Variants in LHFPL3 observed in about 807,000 individuals in gnomAD.
The protein encoded by LHFPL3 is LHFPL tetraspan subfamily member 3.
Under a neutral mutation model 19.3 loss-of-function variants are expected in LHFPL3, and 5 were observed. The observed-to-expected ratio is 0.26, with a 90% CI of 0.14 to 0.54. The LOEUF is 0.54. Ranked by LOEUF, LHFPL3 falls within the 20% of genes least tolerant of loss-of-function variation. The pLI, the probability that LHFPL3 is intolerant of heterozygous loss-of-function variation, is 0.94. For synonymous variants in LHFPL3, 133 were observed against 126.2 expected, an observed-to-expected ratio of 1.05 and a Z score of -0.36; for missense variants, 249 against 307.4, an observed-to-expected ratio of 0.81 and a Z score of 1.42.
intron 1 of LHFPL3, among the ~76,000 whole-genome samples, chr7:104,573,878 G>C (rs1250147404): frequency 6.6e-6 from 1 of 152,110 alleles, no homozygotes; most frequent in Non-Finnish European, 1.5e-5. Flanking sequence ...TTTCTCCTTT[G>C]TCTTTGTTAA....
At chr7:104,822,813 A>C (rs1790701513) in intron 2 of LHFPL3, among the ~76,000 whole-genome samples, 1 of 152,166 alleles carries the variant, frequency 6.6e-6, no homozygotes, top group Admixed American at 6.5e-5. Flanking sequence ...GGAGGATAAA[A>C]GTAAGGGTAG....
chr7:104,440,944 C>T lies in LHFPL3; in HGVS notation c.445+111720C>T, dbSNP rs778592833. On this transcript the variant is annotated intron_variant, in intron 1 of 2. Coordinates refer to ENST00000424859, the MANE Select transcript of LHFPL3 (RefSeq NM_199000.3). Reference sequence around the variant, plus strand: ...TGATGAATTTAGACATATGCATACACTTATGAAACCATCACCACAATCAAG... The same window carrying T: ...TGATGAATTTAGACATATGCATACATTTATGAAACCATCACCACAATCAAG... Among the ~76,000 whole-genome samples, 3 of 152,148 alleles carry T rather than the reference C, an allele frequency of 2.0e-5. No homozygotes were observed. The South Asian group carries it at 6.2e-4, about 31-fold the overall frequency.
At chr7:104,485,654 T>C (rs577874639) in intron 1 of LHFPL3, among the ~76,000 whole-genome samples, 1 of 152,350 alleles carries the variant, frequency 6.6e-6, no homozygotes, top group South Asian at 2.1e-4. Context: ...AGTTCTAGGG[T>C]ACATGTGTAC....
intron 1 of LHFPL3, among the ~76,000 whole-genome samples, chr7:104,375,655 C>T (rs1003449451): frequency 6.6e-6 from 1 of 152,122 alleles, no homozygotes; most frequent in African/African-American, 2.4e-5. Flanking sequence ...ATGTTCGTAA[C>T]ATTTAGATTT....
intron 1 of LHFPL3, among the ~76,000 whole-genome samples, chr7:104,550,044 C>T (rs11972379): frequency 0.13 from 18,999 of 151,968 alleles, 2,110 homozygotes; most frequent in African/African-American, 0.3. Flanking sequence ...ATCTGCAGGA[C>T]GAGCCAGCAG....
intron 1 of LHFPL3, among the ~76,000 whole-genome samples, chr7:104,564,531 C>T (rs1347737069): frequency 2.6e-5 from 4 of 152,310 alleles, no homozygotes; most frequent in Admixed American, 2.6e-4. Flanking sequence ...CTAGATACCT[C>T]ATATAATCTG....
intron 2 of LHFPL3, among the ~76,000 whole-genome samples, chr7:104,877,839 T>G: frequency 3.2e-5 from 1 of 30,926 alleles, no homozygotes; most frequent in East Asian, 6.0e-4. Context: ...TATAGCAGCA[T>G]TTTTTTTTTT....
rs1192378805 is a variant in LHFPL3 at position 104,786,723 on chromosome 7, T to TACAC, written c.682+49812_682+49813insACAC. On this transcript the variant is annotated intron_variant, in intron 2 of 2. Coordinates refer to ENST00000424859, the MANE Select transcript of LHFPL3 (RefSeq NM_199000.3). ...GTGTGTGTGTGTGTGTGTGTGTACG[T>TACAC]GCTATATAAAACTTGAAAAAAAGAT... The TACAC allele has an allele frequency of 2.3e-3, 347 of 150,748 alleles. 4 individuals carry two copies. Among genetic ancestry groups the TACAC allele is most frequent in the East Asian group, 0.016 (81 of 5,084 alleles). 9.3% of individuals were successfully genotyped at this position (150,748 alleles called of 1,614,324 possible). A position where few individuals can be genotyped will look rare whatever the true frequency, so the allele number is the denominator to read the frequency against.
At chr7:104,558,197 A>T (rs1336199873) in intron 1 of LHFPL3, among the ~76,000 whole-genome samples, 1 of 151,740 alleles carries the variant, frequency 6.6e-6, no homozygotes, top group Non-Finnish European at 1.5e-5. Flanking sequence ...TATACCCAGT[A>T]ATGGGATGGC....
chr7:104,447,993 C>A (rs1261720179), intron 1 of LHFPL3, among the ~76,000 whole-genome samples: 1 of 151,966 alleles, frequency 6.6e-6, no homozygotes, highest in Non-Finnish European at 1.5e-5. Context: ...TTTTTCTACT[C>A]CTATGTAAGA....
chr7:104,579,381 T>C (rs1790411822), intron 1 of LHFPL3, among the ~76,000 whole-genome samples: 1 of 152,200 alleles, frequency 6.6e-6, no homozygotes, highest in South Asian at 2.1e-4. Flanking sequence ...ACCCAATATT[T>C]AGCTCCCACT....
chr7:104,832,215 C>T (rs914688400), intron 2 of LHFPL3, among the ~76,000 whole-genome samples: 2 of 151,940 alleles, frequency 1.3e-5, no homozygotes, highest in African/African-American at 4.9e-5. Context: ...TTGTCATTGT[C>T]CCTTTATGGT....
rs1405545512 is a variant in LHFPL3 at position 104,549,393 on chromosome 7, T to C, written c.446-187282T>C. ...ATTCATTGAAATAGGGCTAAAGGAA[T>C]CAGTAGCCTATTATTTTTTTGAGCT... On this transcript the variant is annotated intron_variant, in intron 1 of 2. Coordinates refer to ENST00000424859, the MANE Select transcript of LHFPL3 (RefSeq NM_199000.3). Among the ~76,000 whole-genome samples, 3 of 151,326 alleles carry C rather than the reference T, an allele frequency of 2.0e-5. No individual in the cohort carries two copies. The South Asian group carries it at 6.3e-4, about 32-fold the overall frequency.
chr7:104,596,221 A>G (rs1790854606), intron 1 of LHFPL3, among the ~76,000 whole-genome samples: 1 of 152,238 alleles, frequency 6.6e-6, no homozygotes, highest in South Asian at 2.1e-4. Context: ...CATGAGATGC[A>G]GTGGCCCTGC....
chr7:104,501,990 T>C (rs1423773431), intron 1 of LHFPL3, among the ~76,000 whole-genome samples: 2 of 152,200 alleles, frequency 1.3e-5, no homozygotes, highest in Non-Finnish European at 2.9e-5. Flanking sequence ...AATAATCAGA[T>C]TGTGCTCTGC....
chr7:104,884,014 GC>G (rs1324545807), intron 2 of LHFPL3, among the ~76,000 whole-genome samples: 1 of 152,118 alleles, frequency 6.6e-6, no homozygotes, highest in Non-Finnish European at 1.5e-5. Flanking sequence ...CACAGACAAG[GC>G]TTCTGGGTCT....
chr7:104,418,712 G>C (rs768475823), intron 1 of LHFPL3, among the ~76,000 whole-genome samples: 6 of 152,212 alleles, frequency 3.9e-5, no homozygotes, highest in Non-Finnish European at 7.3e-5. Flanking sequence ...AAGACTCAGA[G>C]AAGGGTCAGG....
At chr7:104,624,254 G>A (rs1176960364) in intron 1 of LHFPL3, among the ~76,000 whole-genome samples, 3 of 152,326 alleles carry the variant, frequency 2.0e-5, no homozygotes, top group Admixed American at 6.5e-5. Flanking sequence ...GATGTAGTTT[G>A]TAGAGCTGTA....
intron 1 of LHFPL3, among the ~76,000 whole-genome samples, chr7:104,645,589 G>A (rs1307241619): frequency 5.3e-5 from 8 of 151,168 alleles, no homozygotes; most frequent in Non-Finnish European, 1.2e-4. Context: ...TGTACCAAAG[G>A]TGCATGTCTA....
Sources: allele counts gnomAD v4.1 joint callset (sites outside exome capture counted in the v4.1 genomes callset), GRCh38; gene constraint gnomAD v4.1.1; transcripts MANE v1.5; gene names NCBI Gene and HGNC (gene_info 2026-07-23, HGNC 2026-07-21).